The following AGAP1 variants were observed in gnomAD, a reference collection of about 807,000 sequenced individuals.
The protein encoded by AGAP1 is ArfGAP with GTPase domain, ankyrin repeat and PH domain 1.
In AGAP1, 29 loss-of-function variants were observed where a neutral mutation model predicts 105.3. The ratio of observed to expected loss-of-function variants is 0.28; its 90% CI spans 0.21 to 0.38. The LOEUF (loss-of-function observed/expected upper bound fraction) is 0.38. Ranked by LOEUF, AGAP1 falls within the 10% of genes least tolerant of loss-of-function variation. The pLI is 1.00. For synonymous variants in AGAP1, 509 were observed against 485.9 expected, an observed-to-expected ratio of 1.05 and a Z score of -0.63; for missense variants, 998 against 1,165.1, an observed-to-expected ratio of 0.86 and a Z score of 2.09.
At position 235,608,753 on chromosome 2, in the gene AGAP1, G is replaced by A. The variant is rs921202827; in HGVS notation, c.164-100426G>A. Among the ~76,000 whole-genome samples, 1 of 152,142 alleles carries A rather than the reference G, an allele frequency of 6.6e-6. No homozygotes were observed. Among genetic ancestry groups the A allele is most frequent in the African/African-American group, 2.4e-5 (1 of 41,416 alleles). On this transcript the variant is annotated intron_variant, in intron 1 of 17. Coordinates refer to ENST00000304032, the MANE Select transcript of AGAP1 (RefSeq NM_001037131.3). The surrounding 1 kb of genome is among the most constrained non-coding windows in gnomAD (Gnocchi z 5.4). ...TCCTTTTTTAGTAGGGGAGAGAGGA[G>A]CAATTTTCCATGGAATATATCTGAT...
rs79626011 is a variant in AGAP1 at position 235,874,862 on chromosome 2, G to A, written c.1051-8483G>A. On this transcript the variant is annotated intron_variant, in intron 9 of 17. Coordinates refer to ENST00000304032, the MANE Select transcript of AGAP1 (RefSeq NM_001037131.3). This position sits in a 1 kb window ranked among gnomAD's most constrained non-coding sequence, Gnocchi z 4.5. ...GCACACGCTCATGGATCAAGGCAGAGGATGAGTTTAAAAACTGGTACTAAA... is the reference window on the plus strand; with the variant it reads ...GCACACGCTCATGGATCAAGGCAGAAGATGAGTTTAAAAACTGGTACTAAA... Among the ~76,000 whole-genome samples the A allele has an allele frequency of 0.032, 4,840 of 152,260 alleles. 246 individuals are homozygous for A. The highest frequency in any genetic ancestry group is 0.11 in the African/African-American group (4,575 of 41,534).
At chr2:235,857,635 C>T (rs1168587636) in intron 9 of AGAP1, among the ~76,000 whole-genome samples, 1 of 152,214 alleles carries the variant, frequency 6.6e-6, no homozygotes, top group Admixed American at 6.5e-5. Flanking sequence ...TGTTTCTCCA[C>T]ATATACACCA....
chr2:236,116,367 T>TTTTTTTTTTTTTTG (rs1553578895), intron 16 of AGAP1, among the ~76,000 whole-genome samples: 3 of 150,534 alleles, frequency 2.0e-5, no homozygotes, highest in African/African-American at 2.4e-5. Context: ...CTTTTTTTTT[T>TTTTTTTTTTTTTTG]GAGAGAGAGT....
chr2:235,783,175 A>G (rs1046651727), intron 6 of AGAP1: 6 of 342,186 alleles, frequency 1.8e-5, no homozygotes, highest in Non-Finnish European at 1.2e-5. Context: ...ACCAAAGACA[A>G]AGTGTTTCTC....
chr2:235,828,821 G>A (rs1260366477), intron 9 of AGAP1, among the ~76,000 whole-genome samples: 1 of 152,146 alleles, frequency 6.6e-6, no homozygotes, highest in African/African-American at 2.4e-5. Flanking sequence ...GAAGATAATG[G>A]GTGTCATTTT....
rs990032954 is a variant in AGAP1, at chr2:235,957,082, A to G, written c.1484-11380A>G. Among the ~76,000 whole-genome samples, 4 of 152,236 alleles carry G rather than the reference A, an allele frequency of 2.6e-5. No individual in the cohort carries two copies. The highest frequency in any genetic ancestry group is 9.6e-5 in the African/African-American group (4 of 41,462). On this transcript the variant is annotated intron_variant, in intron 12 of 17. Transcript: ENST00000304032. This position sits in a 1 kb window ranked among gnomAD's most constrained non-coding sequence, Gnocchi z 4.6. The stretch of plus-strand genomic sequence containing the variant: ...CAGTAGTTTTTAGTATCTCACAGAT[A>G]CCTGCAACCATCACCACAGTCAATC...
rs144709296 is a variant in AGAP1 at position 235,848,083 on chromosome 2, G to A, written c.1051-35262G>A. ...CTTGGTTTCTGGGTGCCCTAGACAG[G>A]GAGTATCCCACCGGTTACACTCTCT... On this transcript the variant is annotated intron_variant, in intron 9 of 17. Transcript: ENST00000304032. Among the ~76,000 whole-genome samples the A allele has an allele frequency of 6.3e-3, 960 of 152,244 alleles. 4 individuals carry two copies. Among genetic ancestry groups the A allele is most frequent in the Non-Finnish European group, 0.01 (693 of 68,024 alleles).
intron 9 of AGAP1, among the ~76,000 whole-genome samples, chr2:235,841,786 G>T (rs1960880216): frequency 6.6e-6 from 1 of 152,170 alleles, no homozygotes; most frequent in South Asian, 2.1e-4. Context: ...ACAGCTCTGA[G>T]TTTCTGTTTT....
Position 235,655,400 on chromosome 2 carries a change from A to G in AGAP1, c.164-53779A>G, listed in dbSNP as rs534795700. The stretch of plus-strand genomic sequence containing the variant: ...CCTGAATTCCTTTCTAGGTAATTTC[A>G]ATGTTGGTCATGCCCAGGGATCTCC... On this transcript the variant is annotated intron_variant, in intron 1 of 17. Transcript: ENST00000304032. The surrounding 1 kb of genome is among the most constrained non-coding windows in gnomAD (Gnocchi z 4.3). Among the ~76,000 whole-genome samples, 10 of 152,328 alleles carry G rather than the reference A, an allele frequency of 6.6e-5. No individual in the cohort carries two copies. The South Asian group carries it at 2.1e-3, about 32-fold the overall frequency.
At chr2:235,929,011 G>A (rs145136897) in intron 11 of AGAP1, among the ~76,000 whole-genome samples, 386 of 152,266 alleles carry the variant, frequency 2.5e-3, no homozygotes, top group African/African-American at 8.7e-3. Flanking sequence ...GGGCGTTAGG[G>A]CACGCCCATG....
At position 236,036,919 on chromosome 2, in the gene AGAP1, G is replaced by A. The variant is rs7558453; in HGVS notation, c.1800+204G>A. 0.26 allele frequency among the ~76,000 whole-genome samples: 39,908 copies of A among 152,104 alleles called. 6,608 individuals carry two copies. Among genetic ancestry groups the A allele is most frequent in the African/African-American group, 0.48 (19,724 of 41,486 alleles). ...CATACATGAGTATTCCAGCCTGACC[G>A]TGCTTCCCTGGCAGGAGAGCCAAGG... On this transcript the variant is annotated intron_variant, in intron 14 of 17. Transcript: ENST00000304032. The surrounding 1 kb of genome is among the most constrained non-coding windows in gnomAD (Gnocchi z 5.7).
rs933983446 is a variant in AGAP1 at position 236,127,408 on chromosome 2, G to GTGTGTGCACAATGTA, written c.*3288_*3302dup. 6.6e-6 allele frequency: 1 copy of GTGTGTGCACAATGTA among 152,242 alleles called. No homozygotes were observed. The highest frequency in any genetic ancestry group is 1.5e-5 in the Non-Finnish European group (1 of 68,050). 9.4% of individuals were successfully genotyped at this position (152,242 alleles called of 1,614,324 possible). On this transcript the variant is annotated 3_prime_UTR_variant, in exon 18 of 18. Coordinates refer to ENST00000304032, the MANE Select transcript of AGAP1 (RefSeq NM_001037131.3). The surrounding 1 kb of genome is among the most constrained non-coding windows in gnomAD (Gnocchi z 6.6). ...CCAGGTGCAGTGTCCTGTCTCCCAA[G>GTGTGTGCACAATGTA]TGTGTGCACAATGTATATATGCACT...
In AGAP1 at chr2:235,734,104, C is replaced by T. The variant is rs538831142; in HGVS notation, c.311-6859C>T. Among the ~76,000 whole-genome samples, 19 of 152,252 alleles carry T rather than the reference C, an allele frequency of 1.2e-4. No homozygotes were observed. Among genetic ancestry groups the T allele is most frequent in the African/African-American group, 3.9e-4 (16 of 41,536 alleles). On this transcript the variant is annotated intron_variant, in intron 3 of 17. Coordinates refer to ENST00000304032, the MANE Select transcript of AGAP1 (RefSeq NM_001037131.3). The surrounding 1 kb of genome is among the most constrained non-coding windows in gnomAD (Gnocchi z 5.3). ...TTTTAAATATTCTCCTAGGGAAAAACGAGGGCTGATTGTCCTTTTCAAGGT... is the reference window on the plus strand; with the variant it reads ...TTTTAAATATTCTCCTAGGGAAAAATGAGGGCTGATTGTCCTTTTCAAGGT...
At chr2:235,546,545 C>T (rs1943627257) in intron 1 of AGAP1, among the ~76,000 whole-genome samples, 1 of 152,152 alleles carries the variant, frequency 6.6e-6, no homozygotes, top group South Asian at 2.1e-4. Flanking sequence ...GGCTGTGGCC[C>T]TTCCAAGGTG....
chr2:235,682,226 ATATG>A (rs919074104), intron 1 of AGAP1, among the ~76,000 whole-genome samples: 1 of 152,076 alleles, frequency 6.6e-6, no homozygotes, highest in African/African-American at 2.4e-5. Context: ...TATAGAAATA[ATATG>A]TACGTTGTGG....
chr2:235,990,116 A>G (rs1439739321), intron 13 of AGAP1, among the ~76,000 whole-genome samples: 1 of 152,180 alleles, frequency 6.6e-6, no homozygotes, highest in Non-Finnish European at 1.5e-5. Context: ...TTCCTGTTAA[A>G]ACCTTTTTTA....
intron 1 of AGAP1, among the ~76,000 whole-genome samples, chr2:235,584,925 T>TTTC (rs60407184): frequency 6.9e-6 from 1 of 145,814 alleles, no homozygotes; most frequent in African/African-American, 2.6e-5. Context: ...TTTTTTTTTT[T>TTTC]AAAGAAAACC....
At position 235,701,321 on chromosome 2, in the gene AGAP1, C is replaced by G. The variant is rs1575166991; in HGVS notation, c.164-7858C>G. ...CAGTCAAATGCTGACGTTGTTGTGA[C>G]AGATTCTAAGTCGCCTCAGGGCTCA... On this transcript the variant is annotated intron_variant, in intron 1 of 17. Coordinates refer to ENST00000304032, the MANE Select transcript of AGAP1 (RefSeq NM_001037131.3). This position sits in a 1 kb window ranked among gnomAD's most constrained non-coding sequence, Gnocchi z 4.1. Among the ~76,000 whole-genome samples the G allele has an allele frequency of 6.6e-6, 1 of 152,120 alleles. No homozygotes were observed. The highest frequency in any genetic ancestry group is 2.1e-4 in the South Asian group (1 of 4,822).
rs533617396 is a variant in AGAP1 at position 236,076,266 on chromosome 2, A to G, written c.2114+26985A>G. Among the ~76,000 whole-genome samples, 87 of 152,282 alleles carry G rather than the reference A, an allele frequency of 5.7e-4. No individual in the cohort carries two copies. Among genetic ancestry groups the G allele is most frequent in the Non-Finnish European group, 1.1e-3 (74 of 68,008 alleles). The stretch of plus-strand genomic sequence containing the variant: ...GGAGTTCGAGACCAGCCTGGCCAAC[A>G]TGGTGAACCCCCATCTACTACAAAT... On this transcript the variant is annotated intron_variant, in intron 16 of 17. Coordinates refer to ENST00000304032, the MANE Select transcript of AGAP1 (RefSeq NM_001037131.3). This position sits in a 1 kb window ranked among gnomAD's most constrained non-coding sequence, Gnocchi z 4.4.
Sources: allele counts gnomAD v4.1 joint callset (sites outside exome capture counted in the v4.1 genomes callset), GRCh38; gene constraint gnomAD v4.1.1; non-coding constraint Gnocchi (gnomAD v3.1); transcripts MANE v1.5; gene names NCBI Gene and HGNC (gene_info 2026-07-23, HGNC 2026-07-21).